MATCAP1: variants seen among roughly 807,000 people sequenced by gnomAD.
MATCAP1 encodes the protein microtubule associated tyrosine carboxypeptidase 1, also known as microtubule-associated tyrosine carboxypeptidase 1.
chr16:67,176,662 G>A, the MATCAP1 span: 1 of 701,084 alleles, frequency 1.4e-6, no homozygotes, highest in East Asian at 3.1e-5. This position sits in a 1 kb window ranked among gnomAD's most constrained non-coding sequence, Gnocchi z 4.3. Context: ...ACACTTTGAT[G>A]TTGCCACTCC....
the MATCAP1 span, chr16:67,180,283 C>T: frequency 6.8e-5 from 110 of 1,612,496 alleles, no homozygotes; most frequent in African/African-American, 8.1e-4. Context: ...AGGGTGCCCC[C>T]ACCTGGGTTC....
the MATCAP1 span, among the ~76,000 whole-genome samples, chr16:67,180,987 A>G: frequency 6.6e-6 from 1 of 152,240 alleles, no homozygotes; most frequent in Admixed American, 6.5e-5. Flanking sequence ...TCAGCCTCCC[A>G]AAGTGCTGGA....
chr16:67,178,363 G>A, the MATCAP1 span: 1 of 1,564,608 alleles, frequency 6.4e-7, no homozygotes, highest in Non-Finnish European at 8.6e-7. Flanking sequence ...CCACAGGAAC[G>A]GCTGCTTGCG....
chr16:67,178,823 G>A, the MATCAP1 span: 7 of 639,328 alleles, frequency 1.1e-5, no homozygotes, highest in Non-Finnish European at 1.7e-5. Flanking sequence ...GCCCTCCTGG[G>A]CACAAGAATA....
the MATCAP1 span, chr16:67,183,945 G>A: frequency 5.2e-6 from 1 of 193,838 alleles, no homozygotes; most frequent in Non-Finnish European, 1.1e-5. Context: ...GCCGGCGGGA[G>A]CCGTCGCCGA....
chr16:67,178,150 GCCCCGCCCCCA>G, the MATCAP1 span: 1 of 1,454,592 alleles, frequency 6.9e-7, no homozygotes, highest in Non-Finnish European at 9.4e-7. Context: ...CTCGCCCGAA[GCCCCGCCCCCA>G]CCCCGGCTCT....
the MATCAP1 span, chr16:67,179,678 TCA>T: frequency 6.8e-7 from 1 of 1,470,050 alleles, no homozygotes; most frequent in Non-Finnish European, 9.4e-7. This position sits in a 1 kb window ranked among gnomAD's most constrained non-coding sequence, Gnocchi z 5.2. Flanking sequence ...CCACCCTTCA[TCA>T]CCTCTGCTCA....
At chr16:67,179,384 G>A in the MATCAP1 span, 6 of 1,565,748 alleles carry the variant, frequency 3.8e-6, no homozygotes, top group Non-Finnish European at 5.2e-6. The surrounding 1 kb of genome is among the most constrained non-coding windows in gnomAD (Gnocchi z 5.2). Context: ...CCAGCTCCCA[G>A]GCCCCTTTCA....
At chr16:67,178,770 C>T in the MATCAP1 span, 8 of 685,820 alleles carry the variant, frequency 1.2e-5, no homozygotes, top group Middle Eastern at 9.3e-4. Context: ...CACCCACGCA[C>T]CCACACACGT....
At chr16:67,176,768 G>A in the MATCAP1 span, 1 of 1,491,268 alleles carries the variant, frequency 6.7e-7, no homozygotes, top group South Asian at 1.4e-5. The surrounding 1 kb of genome is among the most constrained non-coding windows in gnomAD (Gnocchi z 4.3). Context: ...GGGCCTATCT[G>A]GAGCTTCTGT....
At chr16:67,183,027 G>A in the MATCAP1 span, among the ~76,000 whole-genome samples, 1 of 152,100 alleles carries the variant, frequency 6.6e-6, no homozygotes, top group Non-Finnish European at 1.5e-5. Context: ...GAATCCAAGA[G>A]CTCTTCTTTC....
chr16:67,176,749 A>G, the MATCAP1 span: 21 of 1,434,500 alleles, frequency 1.5e-5, no homozygotes, highest in Middle Eastern at 4.8e-4. The surrounding 1 kb of genome is among the most constrained non-coding windows in gnomAD (Gnocchi z 4.3). Flanking sequence ...AAACTGCTTC[A>G]TGTTCTAGGG....
chr16:67,178,129 G>GAGCCCCGCCCCTCGCCCGA, the MATCAP1 span: 16 of 1,601,278 alleles, frequency 1.0e-5, no homozygotes, highest in Non-Finnish European at 1.3e-5. Context: ...GGAGGGCGGT[G>GAGCCCCGCCCCTCGCCCGA]AGCCCCGCCC....
At chr16:67,178,828 A>G in the MATCAP1 span, 2 of 630,490 alleles carry the variant, frequency 3.2e-6, no homozygotes, top group South Asian at 1.6e-5. Flanking sequence ...CCTGGGCACA[A>G]GAATACATAT....
At chr16:67,182,016 C>T in the MATCAP1 span, among the ~76,000 whole-genome samples, 2 of 152,114 alleles carry the variant, frequency 1.3e-5, no homozygotes, top group African/African-American at 4.8e-5. Context: ...TTTGGGAGGC[C>T]GAGGCGGGCG....
chr16:67,176,926 T>C, the MATCAP1 span: 1 of 1,607,022 alleles, frequency 6.2e-7, no homozygotes. The surrounding 1 kb of genome is among the most constrained non-coding windows in gnomAD (Gnocchi z 4.3). Context: ...CACCCGGGTA[T>C]TATCCAGCAC....
chr16:67,179,883 G>A, the MATCAP1 span: 1 of 1,614,220 alleles, frequency 6.2e-7, no homozygotes, highest in Admixed American at 1.7e-5. This position sits in a 1 kb window ranked among gnomAD's most constrained non-coding sequence, Gnocchi z 5.2. Context: ...TTGGTGAGCA[G>A]CTGCCCCCCA....
the MATCAP1 span, chr16:67,180,036 C>A: frequency 6.2e-7 from 1 of 1,613,468 alleles, no homozygotes; most frequent in Non-Finnish European, 8.5e-7. Context: ...GGAGGCTGGA[C>A]TGACCTGATG....
At chr16:67,177,971 G>A in the MATCAP1 span, 1 of 1,554,264 alleles carries the variant, frequency 6.4e-7, no homozygotes, top group Non-Finnish European at 8.9e-7. Context: ...AGCAAGGCAG[G>A]GAGCTGGCTG....
Sources: gnomAD v4.1 joint callset for allele counts (sites outside exome capture counted in the v4.1 genomes callset) on GRCh38, gnomAD v4.1.1 for gene constraint, Gnocchi (gnomAD v3.1) non-coding constraint, MANE v1.5 for transcripts, NCBI Gene and HGNC (gene_info 2026-07-23, HGNC 2026-07-21) for gene names.